Variants in ATRNL1 observed in about 807,000 individuals in gnomAD.
The protein encoded by ATRNL1 is attractin-like protein 1.
ATRNL1 carries 95 observed loss-of-function variants against 182.7 expected under a neutral mutation model. The ratio of observed to expected loss-of-function variants is 0.52; its 90% CI spans 0.44 to 0.62. The LOEUF is 0.62. Ranked by LOEUF, ATRNL1 falls within the 20% of genes least tolerant of loss-of-function variation. The pLI is 0.00. For synonymous variants in ATRNL1, 576 were observed against 568.3 expected (o/e 1.01, Z -0.19); for missense variants, 1,471 against 1,679.5 (o/e 0.88, Z 2.17).
intron 27 of ATRNL1, among the ~76,000 whole-genome samples, chr10:115,813,074 G>T (rs1201105853): frequency 2.0e-5 from 3 of 152,058 alleles, no homozygotes; most frequent in African/African-American, 7.2e-5. Context: ...CACACTGTTA[G>T]AATGTCATTT....
chr10:115,645,272 T>C (rs1238569570), intron 26 of ATRNL1, among the ~76,000 whole-genome samples: 1 of 139,180 alleles, frequency 7.2e-6, no homozygotes, highest in Admixed American at 8.3e-5. Context: ...TTTAAGCCCA[T>C]AACTCATTTT....
chr10:115,696,225 A>G (rs1946555372), intron 26 of ATRNL1, among the ~76,000 whole-genome samples: 1 of 152,186 alleles, frequency 6.6e-6, no homozygotes, highest in Non-Finnish European at 1.5e-5. Flanking sequence ...CCAGTCTAGC[A>G]TTGATGCTCA....
intron 26 of ATRNL1, among the ~76,000 whole-genome samples, chr10:115,611,848 G>C (rs1225689504): frequency 6.6e-6 from 1 of 152,150 alleles, no homozygotes; most frequent in Non-Finnish European, 1.5e-5. Context: ...TTTTAAAATA[G>C]TGGATATGAT....
chr10:115,552,424 A>G (rs1348877320), intron 26 of ATRNL1, among the ~76,000 whole-genome samples: 1 of 151,418 alleles, frequency 6.6e-6, no homozygotes, highest in Admixed American at 6.6e-5. Context: ...TAGTAAAATG[A>G]CAGTTTATCT....
chr10:115,805,105 CCCTCCTAATTCTA>C (rs1949889227), intron 27 of ATRNL1, among the ~76,000 whole-genome samples: 1 of 152,054 alleles, frequency 6.6e-6, no homozygotes, highest in African/African-American at 2.4e-5. Flanking sequence ...CCAAACATTC[CCCTCCTAATTCTA>C]CCTCCTAATC....
chr10:115,804,541 C>T (rs1949873997), intron 27 of ATRNL1, among the ~76,000 whole-genome samples: 1 of 152,164 alleles, frequency 6.6e-6, no homozygotes, highest in Admixed American at 6.6e-5. Flanking sequence ...CCTTGCAAGA[C>T]ACTGAACCTA....
At chr10:115,627,205 C>T (rs976003520) in intron 26 of ATRNL1, among the ~76,000 whole-genome samples, 1 of 152,126 alleles carries the variant, frequency 6.6e-6, no homozygotes, top group African/African-American at 2.4e-5. Context: ...TCTCCTCTCC[C>T]CTGCCAGATC....
chr10:115,706,555 TA>T (rs1555053126), intron 26 of ATRNL1, among the ~76,000 whole-genome samples: 3 of 151,908 alleles, frequency 2.0e-5, no homozygotes, highest in Non-Finnish European at 4.4e-5. Context: ...GCCACAGCTT[TA>T]ATTTCCCCCA....
intron 26 of ATRNL1, among the ~76,000 whole-genome samples, chr10:115,702,713 C>T (rs1485102642): frequency 6.6e-6 from 1 of 151,824 alleles, no homozygotes; most frequent in Non-Finnish European, 1.5e-5. Context: ...AAATAAAATA[C>T]CTAGGAATCC....
At chr10:115,599,394 C>A (rs1398555989) in intron 26 of ATRNL1, among the ~76,000 whole-genome samples, 1 of 152,156 alleles carries the variant, frequency 6.6e-6, no homozygotes, top group Non-Finnish European at 1.5e-5. Flanking sequence ...CTCATAAGTG[C>A]ATTTCCAGGA....
At chr10:115,311,757 A>G (rs532127906) in intron 17 of ATRNL1, among the ~76,000 whole-genome samples, 2 of 152,126 alleles carry the variant, frequency 1.3e-5, no homozygotes, top group South Asian at 4.1e-4. Context: ...TAGGTCTAGT[A>G]TTGATTGTTT....
In ATRNL1 at chr10:115,773,544, G is replaced by A. The variant is rs2420113; in HGVS notation, c.3903+46189G>A. 0.01 allele frequency among the ~76,000 whole-genome samples: 1,578 copies of A among 152,154 alleles called. 38 individuals carry two copies. The East Asian group carries it at 0.11, about 11-fold the overall frequency. ...GCCCAGTCATAATGGATCTTATTCA[G>A]GTATGGCTACGTAATCTATGGTACA... On this transcript the variant is annotated intron_variant, in intron 27 of 28. Coordinates refer to ENST00000355044, the MANE Select transcript of ATRNL1 (RefSeq NM_207303.4).
rs150146267 is a variant in ATRNL1 at position 115,634,973 on chromosome 10, T to G, written c.3795+85437T>G. On this transcript the variant is annotated intron_variant, in intron 26 of 28. Coordinates refer to ENST00000355044, the MANE Select transcript of ATRNL1 (RefSeq NM_207303.4). ...AAAAATTACAAAAAAAAATTATAGT[T>G]TCCTGTAGAAATTTTAATAAATGCT... is the stretch of plus-strand genomic sequence containing the variant. 2.1e-4 allele frequency among the ~76,000 whole-genome samples: 32 copies of G among 152,218 alleles called. No homozygotes were observed. In the East Asian group the frequency reaches 5.0e-3, roughly 24 times the overall value.
chr10:115,534,708 T>C (rs1162314913), intron 25 of ATRNL1, among the ~76,000 whole-genome samples: 1 of 152,112 alleles, frequency 6.6e-6, no homozygotes, highest in African/African-American at 2.4e-5. Flanking sequence ...GTCTCGATGG[T>C]CTTTACATTT....
At chr10:115,505,528 C>T (rs1311676844) in intron 24 of ATRNL1, among the ~76,000 whole-genome samples, 2 of 151,924 alleles carry the variant, frequency 1.3e-5, no homozygotes, top group Non-Finnish European at 2.9e-5. Flanking sequence ...ACAGAAGTTC[C>T]TCCCCAAAAG....
At chr10:115,149,174 G>A (rs768537527) in intron 5 of ATRNL1, among the ~76,000 whole-genome samples, 1 of 152,094 alleles carries the variant, frequency 6.6e-6, no homozygotes, top group Non-Finnish European at 1.5e-5. Context: ...TTACGCAGAT[G>A]GGGTCTTTTC....
intron 8 of ATRNL1, among the ~76,000 whole-genome samples, chr10:115,199,051 G>C (rs530087244): frequency 6.6e-6 from 1 of 152,174 alleles, no homozygotes; most frequent in Non-Finnish European, 1.5e-5. Flanking sequence ...ATGTCATTGA[G>C]AGTGTGGTAG....
chr10:115,477,254 G>A (rs934875958), intron 24 of ATRNL1, among the ~76,000 whole-genome samples: 2 of 151,440 alleles, frequency 1.3e-5, no homozygotes, highest in Admixed American at 1.3e-4. Flanking sequence ...AACAGAAATC[G>A]TGCATGACTA....
chr10:115,530,213 TA>T (rs1166417602), intron 25 of ATRNL1, among the ~76,000 whole-genome samples: 1 of 152,216 alleles, frequency 6.6e-6, no homozygotes, highest in Non-Finnish European at 1.5e-5. Context: ...TGTGGATATA[TA>T]TTTTCATTTC....
Sources: gnomAD v4.1 joint callset for allele counts (sites outside exome capture counted in the v4.1 genomes callset) on GRCh38, gnomAD v4.1.1 for gene constraint, MANE v1.5 for transcripts, NCBI Gene and HGNC (gene_info 2026-07-23, HGNC 2026-07-21) for gene names.